PLD5: variants seen among roughly 807,000 people sequenced by gnomAD.
The protein encoded by PLD5 is phospholipase D family member 5, also known as inactive phospholipase D5.
Under a neutral mutation model 61.1 loss-of-function variants are expected in PLD5, and 36 were observed. The ratio of observed to expected loss-of-function variants is 0.59; its 90% CI spans 0.45 to 0.78. The LOEUF (loss-of-function observed/expected upper bound fraction) is 0.78, where lower values mean the gene tolerates loss of function less well. Ranked by LOEUF, PLD5 falls within the 30% of genes least tolerant of loss-of-function variation. The pLI is 0.00. For synonymous variants in PLD5, 243 were observed against 242.8 expected (o/e 1.00, Z -0.01); for missense variants, 515 against 644.4 (o/e 0.80, Z 2.17).
At chr1:242,170,766 G>A (rs780168224) in intron 5 of PLD5, among the ~76,000 whole-genome samples, 7 of 152,124 alleles carry the variant, frequency 4.6e-5, no homozygotes, top group African/African-American at 9.7e-5. Flanking sequence ...GCATACATGA[G>A]TATTAGTAGC....
rs1407410829 is a variant in PLD5, at chr1:242,256,507, T to A, written c.607+8830A>T. Among the ~76,000 whole-genome samples, 1 of 152,156 alleles carries A rather than the reference T, an allele frequency of 6.6e-6. No homozygotes were observed. The highest frequency in any genetic ancestry group is 1.5e-5 in the Non-Finnish European group (1 of 68,028). ...GTAGCGGGGGTTGAAAGGAACAAACTTAGATTCTTTTGTGCCCTTCTGTCT... is the reference window on the plus strand; with the variant it reads ...GTAGCGGGGGTTGAAAGGAACAAACATAGATTCTTTTGTGCCCTTCTGTCT... On this transcript the variant is annotated intron_variant, in intron 4 of 9. Transcript: ENST00000536534. The surrounding 1 kb of genome is among the most constrained non-coding windows in gnomAD (Gnocchi z 5.7).
chr1:242,383,712 A>G (rs1662434097), intron 1 of PLD5, among the ~76,000 whole-genome samples: 1 of 152,126 alleles, frequency 6.6e-6, no homozygotes, highest in East Asian at 1.9e-4. Flanking sequence ...GACTAGAAAA[A>G]TCAAGATTCT....
Position 242,379,213 on chromosome 1 carries a change from C to T in PLD5, c.190-30971G>A, listed in dbSNP as rs147773748. 5.9e-5 allele frequency among the ~76,000 whole-genome samples: 9 copies of T among 152,210 alleles called. No individual in the cohort carries two copies. The East Asian group carries it at 1.7e-3, about 29-fold the overall frequency. On this transcript the variant is annotated intron_variant, in intron 1 of 9. Transcript: ENST00000536534. ...TTCTGTCTATGGTGTTTACTGAGGC[C>T]ACCCACATTCAGAGACTTGCGTACC...
At position 242,326,934 on chromosome 1, in the gene PLD5, C is replaced by T. The variant is rs1447450035; in HGVS notation, c.326+21172G>A. 4.0e-5 allele frequency among the ~76,000 whole-genome samples: 6 copies of T among 151,714 alleles called. No homozygotes were observed. The South Asian group carries it at 1.0e-3, about 26-fold the overall frequency. ...AGGCTGGAGTGCAGTGGTGCAATCT[C>T]GGCTCACTGCAACCTCCGCCTCCCA... On this transcript the variant is annotated intron_variant, in intron 2 of 9. Coordinates refer to ENST00000536534, the MANE Select transcript of PLD5 (RefSeq NM_001372062.1).
chr1:242,394,404 GTA>G lies in PLD5; in HGVS notation c.190-46164_190-46163del, dbSNP rs372417693. ...TGTGTATATATGAGTATATATGTGTGTATATATGAGTATATATGTGTGTATAT... is the reference window on the plus strand; with the variant it reads ...TGTGTATATATGAGTATATATGTGTGTATATGAGTATATATGTGTGTATAT... On this transcript the variant is annotated intron_variant, in intron 1 of 9. Coordinates refer to ENST00000536534, the MANE Select transcript of PLD5 (RefSeq NM_001372062.1). 5.2e-4 allele frequency among the ~76,000 whole-genome samples: 26 copies of G among 49,738 alleles called. 5 individuals are homozygous for G. Among genetic ancestry groups the G allele is most frequent in the African/African-American group, 1.6e-3 (24 of 14,938 alleles). The allele number at this position is 49,738 out of a possible 152,430, so 32.6% of individuals were successfully genotyped here.
chr1:242,305,167 ACTT>A (rs1375351717), intron 2 of PLD5, among the ~76,000 whole-genome samples: 3 of 152,188 alleles, frequency 2.0e-5, no homozygotes, highest in African/African-American at 7.2e-5. Flanking sequence ...ATTCCAGCAA[ACTT>A]CTTCATATTT....
In PLD5 at chr1:242,346,542, G is replaced by A. The variant is rs535070592; in HGVS notation, c.326+1564C>T. Among the ~76,000 whole-genome samples the A allele has an allele frequency of 2.1e-3, 326 of 152,254 alleles. 5 individuals carry two copies. The highest frequency in any genetic ancestry group is 0.017 in the East Asian group (90 of 5,170). ...GTAACAGCATTAGCAAAAGATGACA[G>A]TAATCTACTGTTCTTCCATTGCTTT... On this transcript the variant is annotated intron_variant, in intron 2 of 9. Transcript: ENST00000536534.
rs1659507595 is a variant in PLD5, at chr1:242,336,317, T to TA, written c.326+11788dup. ...CATTTCTAGGAATTTAAAGATATTC[T>TA]ACTACCTAGGCTAAACGTGTTCCAG... On this transcript the variant is annotated intron_variant, in intron 2 of 9. Coordinates refer to ENST00000536534, the MANE Select transcript of PLD5 (RefSeq NM_001372062.1). Among the ~76,000 whole-genome samples the TA allele has an allele frequency of 1.3e-5, 2 of 152,176 alleles. 1 individual carries two copies. Among genetic ancestry groups the TA allele is most frequent in the South Asian group, 4.1e-4 (2 of 4,824 alleles).
intron 1 of PLD5, among the ~76,000 whole-genome samples, chr1:242,516,795 T>G (rs1329944844): frequency 6.6e-6 from 1 of 152,244 alleles, no homozygotes; most frequent in African/African-American, 2.4e-5. Context: ...TTGGCTATTG[T>G]TGGCCCTTTG....
chr1:242,493,316 G>T (rs1344463575), intron 1 of PLD5, among the ~76,000 whole-genome samples: 1 of 152,104 alleles, frequency 6.6e-6, no homozygotes, highest in Non-Finnish European at 1.5e-5. Flanking sequence ...AAGATGAAGG[G>T]GTTGGCCCAC....
intron 2 of PLD5, among the ~76,000 whole-genome samples, chr1:242,327,653 A>G (rs1658883398): frequency 6.6e-6 from 1 of 152,242 alleles, no homozygotes; most frequent in Non-Finnish European, 1.5e-5. Context: ...CTAAAAAAAC[A>G]GACTGATGAG....
intron 1 of PLD5, among the ~76,000 whole-genome samples, chr1:242,392,659 A>G (rs934803192): frequency 4.6e-5 from 7 of 152,078 alleles, no homozygotes; most frequent in African/African-American, 1.7e-4. Context: ...GGTTTAGAGC[A>G]CTCAGAGGAG....
rs1380492273 is a variant in PLD5, at chr1:242,211,971, T to C, written c.735+8017A>G. ...AACCCATGGTTCCCTGAAGAAGGCA[T>C]GCTAGACGTAAAGCTCTGGAACAAG... On this transcript the variant is annotated intron_variant, in intron 5 of 9. Coordinates refer to ENST00000536534, the MANE Select transcript of PLD5 (RefSeq NM_001372062.1). 2.0e-5 allele frequency among the ~76,000 whole-genome samples: 3 copies of C among 152,212 alleles called. No homozygotes were observed. In the East Asian group the frequency reaches 5.8e-4, roughly 29 times the overall value.
rs1444155815 is a variant in PLD5, at chr1:242,205,102, A to T, written c.735+14886T>A. On this transcript the variant is annotated intron_variant, in intron 5 of 9. Coordinates refer to ENST00000536534, the MANE Select transcript of PLD5 (RefSeq NM_001372062.1). ...ATAGAGATTTTGAGACATGTCATATAAGCAAGTCTCAGACTATCATGCCAT... is the reference window on the plus strand; with the variant it reads ...ATAGAGATTTTGAGACATGTCATATTAGCAAGTCTCAGACTATCATGCCAT... 3.9e-5 allele frequency among the ~76,000 whole-genome samples: 6 copies of T among 152,200 alleles called. No individual in the cohort carries two copies. In the East Asian group the frequency reaches 1.2e-3, roughly 29 times the overall value.
chr1:242,514,489 C>T (rs1035077691), intron 1 of PLD5, among the ~76,000 whole-genome samples: 4 of 152,096 alleles, frequency 2.6e-5, no homozygotes, highest in African/African-American at 7.2e-5. Context: ...CTACTGGGTA[C>T]TGGGCTTAAG....
intron 1 of PLD5, among the ~76,000 whole-genome samples, chr1:242,386,291 A>T (rs1179683635): frequency 6.6e-6 from 1 of 152,176 alleles, no homozygotes; most frequent in Non-Finnish European, 1.5e-5. Context: ...ACCCAAAATA[A>T]TTACCTTAGA....
chr1:242,159,678 C>G (rs929648719), intron 5 of PLD5, among the ~76,000 whole-genome samples: 5 of 152,064 alleles, frequency 3.3e-5, no homozygotes, highest in Non-Finnish European at 2.9e-5. Flanking sequence ...GTGTCCTTCC[C>G]CCAGCTTCAA....
intron 1 of PLD5, among the ~76,000 whole-genome samples, chr1:242,481,412 A>G (rs1223559401): frequency 1.3e-5 from 2 of 152,198 alleles, no homozygotes; most frequent in Non-Finnish European, 2.9e-5. Context: ...AGGAGATTGT[A>G]TCCCGTGCCT....
At chr1:242,360,191 G>A (rs1213619437) in intron 1 of PLD5, among the ~76,000 whole-genome samples, 1 of 151,988 alleles carries the variant, frequency 6.6e-6, no homozygotes, top group Non-Finnish European at 1.5e-5. Context: ...TGATCCCTGG[G>A]CCACACTTTT....
Sources: gnomAD v4.1 joint callset for allele counts (sites outside exome capture counted in the v4.1 genomes callset) on GRCh38, gnomAD v4.1.1 for gene constraint, Gnocchi (gnomAD v3.1) non-coding constraint, MANE v1.5 for transcripts, NCBI Gene and HGNC (gene_info 2026-07-23, HGNC 2026-07-21) for gene names.